The following SYTL3 variants were observed in gnomAD, a reference collection of about 807,000 sequenced individuals.
SYTL3 encodes the protein synaptotagmin like 3, also known as synaptotagmin-like protein 3.
A neutral mutation model predicts 82.1 loss-of-function variants in SYTL3; 88 were observed. The observed-to-expected ratio is 1.07, with a 90% confidence interval of 0.90 to 1.28. The LOEUF is 1.28. Among genes scored for constraint, SYTL3 ranks in the 50% most tolerant of loss-of-function variants. SYTL3 has a pLI of 0.00. For synonymous variants in SYTL3, 311 were observed against 289.4 expected, an observed-to-expected ratio of 1.07 and a Z score of -0.76; for missense variants, 831 against 757.6, an observed-to-expected ratio of 1.10 and a Z score of -1.14.
intron 7 of SYTL3, 124 bp downstream of exon 7, chr6:158,707,405 T>C: frequency 1.3e-6 from 1 of 746,262 alleles, no homozygotes; most frequent in South Asian, 2.0e-5. Flanking sequence ...ACTCTTTTTT[T>C]TTTTTTTCTT....
chr6:158,665,680 C>G, intron 5 of SYTL3, 67 bp downstream of exon 5: 6 of 1,264,894 alleles, frequency 4.7e-6, no homozygotes, highest in Non-Finnish European at 6.6e-6. Context: ...CTTTACAAAC[C>G]GCTCATAAAG....
upstream of SYTL3, among the ~76,000 whole-genome samples, chr6:158,648,418 T>C (rs921422677): frequency 2.6e-5 from 4 of 151,696 alleles, no homozygotes; most frequent in Middle Eastern, 3.4e-3. Flanking sequence ...GGTGAAACCC[T>C]GTATCTACTA....
chr6:158,709,565 G>A (rs1782530244), intron 8 of SYTL3, among the ~76,000 whole-genome samples: 1 of 152,086 alleles, frequency 6.6e-6, no homozygotes, highest in South Asian at 2.1e-4. Context: ...AATAATGTCT[G>A]TGTTGGTACT....
Position 158,707,221 on chromosome 6 carries a change from C to G in SYTL3, c.395-9C>G. On this transcript the variant is annotated splice_polypyrimidine_tract_variant and intron_variant, in intron 6 of 17. Transcript: ENST00000611299. ...AATAATAAACGCCCTCTATGGATAT[C>G]TCTCGCAGGCAAACATGAGACAGTT... 3.7e-6 allele frequency: 6 copies of G among 1,613,686 alleles called. No homozygotes were observed. The highest frequency in any genetic ancestry group is 5.1e-6 in the Non-Finnish European group (6 of 1,179,956).
chr6:158,650,274 A>C (rs960266778), intron 1 of SYTL3, among the ~76,000 whole-genome samples, 196 bp downstream of exon 1: 2 of 152,238 alleles, frequency 1.3e-5, no homozygotes, highest in African/African-American at 4.8e-5. Flanking sequence ...TTGAGATAAT[A>C]ATGATTTAAG....
At chr6:158,686,327 A>G (rs186273441) in intron 6 of SYTL3, among the ~76,000 whole-genome samples, 265 of 152,334 alleles carry the variant, frequency 1.7e-3, no homozygotes, top group Middle Eastern at 3.4e-3. Context: ...GTTTCTATCA[A>G]TGTATAAAAT....
At chr6:158,683,631 T>C (rs1778979475) in intron 6 of SYTL3, among the ~76,000 whole-genome samples, 1 of 152,250 alleles carries the variant, frequency 6.6e-6, no homozygotes, top group East Asian at 1.9e-4. Flanking sequence ...TGTAATTCTC[T>C]TCTGTAATTG....
chr6:158,763,463 CT>C lies in SYTL3; in HGVS notation c.1680del (p.Phe560LeufsTer3), dbSNP rs767467160. 1.2e-6 allele frequency: 2 copies of C among 1,614,066 alleles called. No homozygotes were observed. The highest frequency in any genetic ancestry group is 2.7e-5 in the African/African-American group (2 of 74,926). On this transcript the variant is annotated frameshift_variant, in exon 17 of 18. Transcript: ENST00000611299. LOFTEE classifies it low-confidence loss of function (END_TRUNC). ...LELTVWDQALFGMNDRLLGGT... is the reference protein window; with the variant it reads ...LELTVWDQALXGMNDRLLGGT... ...AGTTAACTGTCTGGGATCAGGCCCT[CT>C]TTGGAATGAACGACCGCTTGCTTGG...
chr6:158,763,225 C>G lies in SYTL3; in HGVS notation c.1518-79C>G, dbSNP rs1001223562. On this transcript the variant is annotated intron_variant, in intron 16 of 17. Coordinates refer to ENST00000611299, the MANE Select transcript of SYTL3 (RefSeq NM_001242394.2). ...ACTTGGCACTTTTCTTAGTGCTTCCCGTCTGCACTGACGCACAGGCCTCAG... is the reference window on the plus strand; with the variant it reads ...ACTTGGCACTTTTCTTAGTGCTTCCGGTCTGCACTGACGCACAGGCCTCAG... 1.3e-5 allele frequency: 18 copies of G among 1,378,166 alleles called. No individual in the cohort carries two copies. The South Asian group carries it at 2.0e-4, about 15-fold the overall frequency. 85.4% of individuals were successfully genotyped at this position (1,378,166 alleles called of 1,614,324 possible).
intron 2 of SYTL3, among the ~76,000 whole-genome samples, chr6:158,652,259 AT>A (rs1788105458): frequency 7.5e-6 from 1 of 133,256 alleles, no homozygotes; most frequent in Non-Finnish European, 1.6e-5. Context: ...TATTATTATT[AT>A]TTTTTGAGAC....
intron 4 of SYTL3, among the ~76,000 whole-genome samples, chr6:158,664,799 A>G (rs924730917): frequency 6.6e-6 from 1 of 152,150 alleles, no homozygotes; most frequent in Non-Finnish European, 1.5e-5. Context: ...AGTAGGTATC[A>G]CAGACATTCA....
chr6:158,758,305 G>A (rs1488008828), intron 14 of SYTL3, among the ~76,000 whole-genome samples: 1 of 152,128 alleles, frequency 6.6e-6, no homozygotes, highest in Non-Finnish European at 1.5e-5. Context: ...GGGTGTGGTG[G>A]TGCACGCCTG....
chr6:158,705,384 C>T (rs1015125866), intron 6 of SYTL3, among the ~76,000 whole-genome samples: 2 of 146,318 alleles, frequency 1.4e-5, no homozygotes, highest in Non-Finnish European at 3.0e-5. Context: ...GGCAGGGTGA[C>T]AGTGAGGGCT....
intron 15 of SYTL3, 74 bp from the exon 16 acceptor site, chr6:158,762,002 T>C: frequency 9.6e-7 from 1 of 1,038,406 alleles, no homozygotes; most frequent in Non-Finnish European, 1.5e-6. Context: ...GAGCTCTCGG[T>C]TTTGGGGTGG....
intron 2 of SYTL3, among the ~76,000 whole-genome samples, chr6:158,655,689 CTAGAGGTCTCCACAT>C (rs1305066378): frequency 6.6e-6 from 1 of 152,204 alleles, no homozygotes; most frequent in Non-Finnish European, 1.5e-5. Context: ...GCACTGTGCT[CTAGAGGTCTCCACAT>C]GCATCAGCAC....
rs575358067 is a variant in SYTL3 at position 158,693,855 on chromosome 6, C to CTTTTTTTTTTTTTTTTTTTTTTT, written c.394+10884_394+10885insTTTTTTTTTTTTTTTTTTTTTTT. The stretch of plus-strand genomic sequence containing the variant: ...TGCATCCAGCCTTTCTTTTTCTTTT[C>CTTTTTTTTTTTTTTTTTTTTTTT]TTTTTTTTTTTTTTTTTTGTAGATA... On this transcript the variant is annotated intron_variant, in intron 6 of 17. Transcript: ENST00000611299. 7.2e-5 allele frequency among the ~76,000 whole-genome samples: 7 copies of CTTTTTTTTTTTTTTTTTTTTTTT among 96,866 alleles called. 1 individual carries two copies. The highest frequency in any genetic ancestry group is 3.8e-4 in the African/African-American group (7 of 18,590). 63.5% of individuals were successfully genotyped at this position (96,866 alleles called of 152,430 possible). A position where few individuals can be genotyped will look rare whatever the true frequency, so the allele number is the denominator to read the frequency against.
chr6:158,704,378 G>A (rs901114578), intron 6 of SYTL3, among the ~76,000 whole-genome samples: 25 of 152,260 alleles, frequency 1.6e-4, no homozygotes, highest in African/African-American at 5.8e-4. Flanking sequence ...CCGGCAGGGG[G>A]CAGCAGAAAG....
upstream of SYTL3, among the ~76,000 whole-genome samples, chr6:158,646,589 G>A (rs114496576): frequency 4.6e-3 from 706 of 152,320 alleles, 5 homozygotes; most frequent in African/African-American, 0.016. Flanking sequence ...AAACAGGGCT[G>A]GCGAGAGGAG....
At chr6:158,670,456 C>A (rs560510536) in intron 5 of SYTL3, among the ~76,000 whole-genome samples, 1 of 152,164 alleles carries the variant, frequency 6.6e-6, no homozygotes, top group Non-Finnish European at 1.5e-5. Context: ...TGTTTCAAAA[C>A]CTTATTTCTT....
Sources: allele counts gnomAD v4.1 joint callset (sites outside exome capture counted in the v4.1 genomes callset), GRCh38; gene constraint gnomAD v4.1.1; transcripts MANE v1.5; gene names NCBI Gene and HGNC (gene_info 2026-07-23, HGNC 2026-07-21).